The following SLCO1B1 variants were observed in gnomAD, a reference collection of about 807,000 sequenced individuals.
The protein encoded by SLCO1B1 is solute carrier organic anion transporter family member 1B1, also known as OATP-2.
SLCO1B1 carries 81 observed loss-of-function variants against 70.1 expected under a neutral mutation model. That is an observed-to-expected ratio of 1.16 (90% CI 0.97 to 1.39). The LOEUF (loss-of-function observed/expected upper bound fraction) is 1.39. Ranked by LOEUF, SLCO1B1 falls within the 40% of genes most tolerant of loss-of-function variation. The probability of loss-of-function intolerance (pLI) is 0.00; values close to 1 mark genes in which losing one functional copy is unlikely to be tolerated. For missense variants in SLCO1B1, 895 were observed against 799.6 expected (o/e 1.12, Z -1.44); for synonymous variants, 283 against 271.5 (o/e 1.04, Z -0.42).
chr12:21,221,723 C>T (rs1220438871), intron 12 of SLCO1B1, among the ~76,000 whole-genome samples: 3 of 151,994 alleles, frequency 2.0e-5, no homozygotes, highest in Non-Finnish European at 4.4e-5. Context: ...CATTTTATAC[C>T]AGTCAGAACG....
chr12:21,190,889 T>A lies in SLCO1B1; in HGVS notation c.728-6057T>A, dbSNP rs115254577. Among the ~76,000 whole-genome samples, 970 of 152,274 alleles carry A rather than the reference T, an allele frequency of 6.4e-3. 10 individuals carry two copies. The highest frequency in any genetic ancestry group is 0.022 in the African/African-American group (929 of 41,578). ...GCTATTGAGTTGTAGGATTTCCCCG[T>A]GTGCTTTAGAAATTAACCCCTTTTC... is the stretch of plus-strand genomic sequence containing the variant. On this transcript the variant is annotated intron_variant, in intron 7 of 14. Transcript: ENST00000256958.
intron 14 of SLCO1B1, among the ~76,000 whole-genome samples, chr12:21,233,327 T>A (rs1389030031): frequency 6.6e-6 from 1 of 151,296 alleles, no homozygotes; most frequent in African/African-American, 2.4e-5. Context: ...CCTTTAGAGG[T>A]CTCCTCCACA....
chr12:21,184,345 T>G (rs1341257717), intron 7 of SLCO1B1, among the ~76,000 whole-genome samples: 2 of 152,130 alleles, frequency 1.3e-5, no homozygotes, highest in East Asian at 1.9e-4. Context: ...TTTTAAGATT[T>G]TTTTGGGGGG....
intron 12 of SLCO1B1, among the ~76,000 whole-genome samples, chr12:21,220,353 C>T (rs912213715): frequency 2.0e-5 from 3 of 152,096 alleles, no homozygotes; most frequent in African/African-American, 4.8e-5. Context: ...GAGTCAGCAA[C>T]GTACAGATGG....
At chr12:21,206,089 C>A (rs576738337) in intron 11 of SLCO1B1, 56 bp downstream of exon 11, 2 of 1,395,654 alleles carry the variant, frequency 1.4e-6, no homozygotes, top group African/African-American at 1.4e-5. Flanking sequence ...TTAGATTGAA[C>A]AATTTTTTAC....
At chr12:21,210,635 G>A (rs374830828) in intron 11 of SLCO1B1, among the ~76,000 whole-genome samples, 1 of 150,544 alleles carries the variant, frequency 6.6e-6, no homozygotes, top group East Asian at 2.0e-4. Flanking sequence ...CATTGAATCT[G>A]TAAATTACCT....
intron 14 of SLCO1B1, among the ~76,000 whole-genome samples, chr12:21,237,380 T>C (rs1444916546): frequency 6.6e-6 from 1 of 152,164 alleles, no homozygotes; most frequent in Non-Finnish European, 1.5e-5. Context: ...TTTAAGTTGG[T>C]GATTTTTTTC....
At chr12:21,145,473 ATTTTTTTTTT>A (rs35334634) in intron 2 of SLCO1B1, among the ~76,000 whole-genome samples, 2 of 76,102 alleles carry the variant, frequency 2.6e-5, no homozygotes, top group East Asian at 4.6e-4. Flanking sequence ...CATTTTTTTC[ATTTTTTTTTT>A]TTTTTTTTTT....
intron 14 of SLCO1B1, among the ~76,000 whole-genome samples, chr12:21,231,680 T>C (rs1218175295): frequency 2.0e-5 from 3 of 151,952 alleles, no homozygotes; most frequent in Non-Finnish European, 4.4e-5. Flanking sequence ...TACATATATG[T>C]ATATATGTGT....
At chr12:21,179,967 C>T (rs760390914) in intron 7 of SLCO1B1, among the ~76,000 whole-genome samples, 1 of 152,146 alleles carries the variant, frequency 6.6e-6, no homozygotes, top group Non-Finnish European at 1.5e-5. Flanking sequence ...TTCTCACCTC[C>T]CATCCACTTC....
intron 10 of SLCO1B1, among the ~76,000 whole-genome samples, chr12:21,204,415 A>T (rs1225549423): frequency 6.6e-6 from 1 of 151,818 alleles, no homozygotes; most frequent in Non-Finnish European, 1.5e-5. Context: ...TTTCTAATAT[A>T]GTACATGTCA....
At chr12:21,160,106 TAA>T (rs56102570) in intron 2 of SLCO1B1, among the ~76,000 whole-genome samples, 9,541 of 111,860 alleles carry the variant, frequency 0.085, 398 homozygotes, top group East Asian at 0.15. Flanking sequence ...TTCACAGAAC[TAA>T]AAAAAAAAAA....
At chr12:21,197,678 A>G (rs561954710) in intron 8 of SLCO1B1, among the ~76,000 whole-genome samples, 1 of 152,102 alleles carries the variant, frequency 6.6e-6, no homozygotes, top group Non-Finnish European at 1.5e-5. Flanking sequence ...AAACTTAACT[A>G]TTATCAGGTG....
intron 14 of SLCO1B1, among the ~76,000 whole-genome samples, chr12:21,236,484 G>T (rs543296381): frequency 6.6e-6 from 1 of 152,334 alleles, no homozygotes; most frequent in East Asian, 1.9e-4. Flanking sequence ...AGCTGTACCT[G>T]TGCAGGCTGG....
chr12:21,172,352 T>A (rs993693274), intron 2 of SLCO1B1, among the ~76,000 whole-genome samples: 2 of 152,170 alleles, frequency 1.3e-5, no homozygotes, highest in Non-Finnish European at 2.9e-5. Flanking sequence ...TCTGAGAACA[T>A]GATGTAGCTT....
intron 1 of SLCO1B1, among the ~76,000 whole-genome samples, chr12:21,136,883 T>A (rs1246089805): frequency 6.6e-6 from 1 of 152,236 alleles, no homozygotes; most frequent in Non-Finnish European, 1.5e-5. Flanking sequence ...AGGAGCTGCA[T>A]TCCTTTGGAG....
At chr12:21,236,686 G>A (rs1187358578) in intron 14 of SLCO1B1, among the ~76,000 whole-genome samples, 7 of 152,222 alleles carry the variant, frequency 4.6e-5, no homozygotes, top group South Asian at 2.1e-4. Context: ...GGCTTTTACC[G>A]CTTTTCTTTA....
intron 1 of SLCO1B1, among the ~76,000 whole-genome samples, chr12:21,133,965 A>G (rs1940178309): frequency 6.6e-6 from 1 of 152,068 alleles, no homozygotes; most frequent in African/African-American, 2.4e-5. Context: ...TATTGGCTGC[A>G]GGTTTGTCAT....
intron 10 of SLCO1B1, 99 bp from the exon 11 acceptor site, chr12:21,205,767 CCT>C (rs1273791548): frequency 3.8e-6 from 3 of 783,908 alleles, no homozygotes; most frequent in East Asian, 3.1e-5. Context: ...ACTTTTTTTC[CCT>C]CTTTCTCTGC....
Sources: gnomAD v4.1 joint callset for allele counts (sites outside exome capture counted in the v4.1 genomes callset) on GRCh38, gnomAD v4.1.1 for gene constraint, MANE v1.5 for transcripts, NCBI Gene and HGNC (gene_info 2026-07-23, HGNC 2026-07-21) for gene names.